The following RHOBTB1 variants were observed in gnomAD, a reference collection of about 807,000 sequenced individuals.
RHOBTB1 encodes the protein Rho related BTB domain containing 1.
In RHOBTB1, 40 loss-of-function variants were observed where a neutral mutation model predicts 71.6. The observed-to-expected ratio is 0.56, with a 90% confidence interval of 0.43 to 0.73. The LOEUF (loss-of-function observed/expected upper bound fraction) is 0.73. Among genes scored for constraint, RHOBTB1 ranks in the 30% least tolerant of loss-of-function variants. RHOBTB1 has a pLI of 0.00. For synonymous variants in RHOBTB1, 319 were observed against 334.9 expected (o/e 0.95, Z 0.52); for missense variants, 797 against 894.0 (o/e 0.89, Z 1.38).
At chr10:60,989,017 T>C (rs2086766807) in intron 1 of RHOBTB1, among the ~76,000 whole-genome samples, 1 of 152,232 alleles carries the variant, frequency 6.6e-6, no homozygotes, top group Non-Finnish European at 1.5e-5. Flanking sequence ...CATGGGATAA[T>C]ATTCAATGCT....
At chr10:60,894,604 C>A (rs1450515644) in intron 4 of RHOBTB1, among the ~76,000 whole-genome samples, 9 of 152,102 alleles carry the variant, frequency 5.9e-5, no homozygotes, top group African/African-American at 2.2e-4. Context: ...GCTGAGTTTT[C>A]TATTATTCAT....
At chr10:60,890,084 A>C (rs2132679707) in intron 5 of RHOBTB1, among the ~76,000 whole-genome samples, 1 of 152,308 alleles carries the variant, frequency 6.6e-6, no homozygotes, top group East Asian at 1.9e-4. Context: ...GTTTGTCTGA[A>C]GTCACATTTT....
chr10:60,974,022 C>G (rs2134710665), intron 2 of RHOBTB1, among the ~76,000 whole-genome samples: 1 of 152,010 alleles, frequency 6.6e-6, no homozygotes, highest in East Asian at 1.9e-4. Flanking sequence ...GTCTGTTATT[C>G]TTTAGGATAA....
chr10:60,904,512 G>T (rs987832108), intron 4 of RHOBTB1, among the ~76,000 whole-genome samples: 1 of 152,152 alleles, frequency 6.6e-6, no homozygotes, highest in Non-Finnish European at 1.5e-5. Context: ...TTACAGAAAT[G>T]GAATCACACA....
chr10:60,948,605 G>T (rs1423705785), upstream of RHOBTB1, among the ~76,000 whole-genome samples: 1 of 152,236 alleles, frequency 6.6e-6, no homozygotes, highest in Non-Finnish European at 1.5e-5. Flanking sequence ...CTATTTAGGA[G>T]AAATTATCCT....
intron 7 of RHOBTB1, among the ~76,000 whole-genome samples, chr10:60,883,118 C>T (rs908899613): frequency 6.6e-6 from 1 of 152,106 alleles, no homozygotes; most frequent in Non-Finnish European, 1.5e-5. Context: ...GCGAGAATGT[C>T]GACAGCTCAT....
chr10:60,922,069 G>A (rs1564977474), intron 2 of RHOBTB1, among the ~76,000 whole-genome samples: 1 of 152,134 alleles, frequency 6.6e-6, no homozygotes, highest in Non-Finnish European at 1.5e-5. Context: ...AGTTTCTAGA[G>A]CCGATTTATA....
At chr10:60,996,301 A>G (rs1191913272) in intron 1 of RHOBTB1, among the ~76,000 whole-genome samples, 1 of 152,172 alleles carries the variant, frequency 6.6e-6, no homozygotes, top group East Asian at 1.9e-4. Flanking sequence ...TACCTGCCCA[A>G]GCTGATTTAT....
chr10:60,972,395 T>G (rs2134688466), intron 2 of RHOBTB1, among the ~76,000 whole-genome samples: 1 of 152,238 alleles, frequency 6.6e-6, no homozygotes, highest in South Asian at 2.1e-4. Flanking sequence ...GGGACATGGA[T>G]GAAGCTGGAA....
chr10:60,867,903 A>G (rs564346992), downstream of RHOBTB1, among the ~76,000 whole-genome samples: 33 of 152,318 alleles, frequency 2.2e-4, no homozygotes, highest in African/African-American at 7.9e-4. Flanking sequence ...GAAATTCAAG[A>G]AAGCTGTCTT....
intron 4 of RHOBTB1, among the ~76,000 whole-genome samples, chr10:60,906,138 A>G (rs962799300): frequency 1.3e-5 from 2 of 152,204 alleles, no homozygotes; most frequent in African/African-American, 4.8e-5. Context: ...CTGGACTCAA[A>G]ATAAGCCCAG....
At position 60,961,104 on chromosome 10, in the gene RHOBTB1, A is replaced by G. The variant is rs546147024; in HGVS notation, c.-61-19250T>C. ...CAAAGGAAAGGGGTGTGGGGCTGTC[A>G]TTCTCAAAGGACCCTGGGGCTTCCC... On this transcript the variant is annotated intron_variant, in intron 2 of 11. Transcript: ENST00000357917. Among the ~76,000 whole-genome samples the G allele has an allele frequency of 1.1e-4, 17 of 152,174 alleles. No individual in the cohort carries two copies. In the South Asian group the frequency reaches 1.9e-3, roughly 17 times the overall value.
At chr10:60,987,846 C>G (rs181218006) in intron 1 of RHOBTB1, among the ~76,000 whole-genome samples, 1 of 151,860 alleles carries the variant, frequency 6.6e-6, no homozygotes, top group East Asian at 1.9e-4. Flanking sequence ...TCTCCACCCC[C>G]TAACCCCTGA....
At chr10:60,924,351 A>T (rs950433734) in intron 2 of RHOBTB1, among the ~76,000 whole-genome samples, 1 of 152,188 alleles carries the variant, frequency 6.6e-6, no homozygotes, top group East Asian at 1.9e-4. Flanking sequence ...AAAAGAGCAG[A>T]ATTAGTTATA....
At chr10:60,957,412 A>G (rs576677445) in intron 2 of RHOBTB1, among the ~76,000 whole-genome samples, 16 of 152,208 alleles carry the variant, frequency 1.1e-4, no homozygotes, top group Non-Finnish European at 2.1e-4. Flanking sequence ...TTTCAGCTCC[A>G]TTATAATGTT....
chr10:60,964,544 A>G (rs2085894956), intron 2 of RHOBTB1, among the ~76,000 whole-genome samples: 4 of 152,168 alleles, frequency 2.6e-5, no homozygotes, highest in Admixed American at 2.6e-4. Context: ...CACTCTTGCC[A>G]GATAAAAATT....
intron 4 of RHOBTB1, among the ~76,000 whole-genome samples, chr10:60,900,350 T>C (rs1397917766): frequency 6.6e-6 from 1 of 152,182 alleles, no homozygotes; most frequent in Non-Finnish European, 1.5e-5. Context: ...GGCTGCATTC[T>C]GTATACACAC....
intron 2 of RHOBTB1, among the ~76,000 whole-genome samples, chr10:60,975,200 T>G (rs1400763694): frequency 6.6e-6 from 1 of 152,072 alleles, no homozygotes; most frequent in East Asian, 1.9e-4. Flanking sequence ...ATCAATGAAC[T>G]GGTTACCAAG....
At chr10:60,959,955 A>G (rs979858991) in intron 2 of RHOBTB1, among the ~76,000 whole-genome samples, 2 of 152,194 alleles carry the variant, frequency 1.3e-5, no homozygotes, top group African/African-American at 4.8e-5. Flanking sequence ...CAGATGTATT[A>G]ATGTTAAGAT....
Sources: gnomAD v4.1 joint callset for allele counts (sites outside exome capture counted in the v4.1 genomes callset) on GRCh38, gnomAD v4.1.1 for gene constraint, MANE v1.5 for transcripts, NCBI Gene and HGNC (gene_info 2026-07-23, HGNC 2026-07-21) for gene names.